The following MOXD1 variants were observed in gnomAD, a reference collection of about 807,000 sequenced individuals.
MOXD1 encodes DBH-like monooxygenase protein 1.
In MOXD1, 62 loss-of-function variants were observed where a neutral mutation model predicts 66.6. The ratio of observed to expected loss-of-function variants is 0.93; its 90% CI spans 0.76 to 1.15. The LOEUF (loss-of-function observed/expected upper bound fraction) is 1.15, where lower values mean the gene tolerates loss of function less well. Among genes scored for constraint, MOXD1 ranks in the 50% most tolerant of loss-of-function variants. MOXD1 has a pLI of 0.00. For missense variants in MOXD1, 847 were observed against 754.6 expected (o/e 1.12, Z -1.44); for synonymous variants, 303 against 281.9 (o/e 1.07, Z -0.75).
At chr6:132,358,269 C>A (rs899188120) in intron 4 of MOXD1, among the ~76,000 whole-genome samples, 2 of 152,198 alleles carry the variant, frequency 1.3e-5, no homozygotes, top group African/African-American at 2.4e-5. Context: ...AAATGGTGTT[C>A]ATAATACACG....
intron 4 of MOXD1, among the ~76,000 whole-genome samples, chr6:132,352,660 G>C (rs572926219): frequency 6.6e-6 from 1 of 152,198 alleles, no homozygotes; most frequent in South Asian, 2.1e-4. Flanking sequence ...TTTGTTCCAT[G>C]GTATAGTTTT....
intron 10 of MOXD1, among the ~76,000 whole-genome samples, chr6:132,300,481 C>A (rs1774507676): frequency 6.6e-6 from 1 of 151,990 alleles, no homozygotes; most frequent in Non-Finnish European, 1.5e-5. Context: ...CAGATAAATG[C>A]TAGGGGAAAA....
At chr6:132,344,342 A>T (rs559568863) in intron 4 of MOXD1, among the ~76,000 whole-genome samples, 4 of 152,212 alleles carry the variant, frequency 2.6e-5, no homozygotes, top group African/African-American at 9.6e-5. Context: ...TGAGATAAAA[A>T]ATCCCACACA....
At chr6:132,321,440 C>A (rs1281242879) in intron 8 of MOXD1, among the ~76,000 whole-genome samples, 1 of 152,014 alleles carries the variant, frequency 6.6e-6, no homozygotes, top group Non-Finnish European at 1.5e-5. Flanking sequence ...CCTTTATTTC[C>A]TTACAATAGA....
chr6:132,339,254 G>T (rs1317764569), intron 4 of MOXD1, among the ~76,000 whole-genome samples: 2 of 152,160 alleles, frequency 1.3e-5, no homozygotes, highest in East Asian at 3.9e-4. Context: ...ACATTCACTT[G>T]TGTATGTTTA....
chr6:132,392,062 C>A, intron 1 of MOXD1: 1 of 955,268 alleles, frequency 1.0e-6, no homozygotes, highest in Non-Finnish European at 1.5e-6. Flanking sequence ...GTCAGGGTTG[C>A]ACACTCTCTT....
chr6:132,327,341 C>G (rs777628632), intron 6 of MOXD1, among the ~76,000 whole-genome samples: 6 of 152,152 alleles, frequency 3.9e-5, no homozygotes, highest in Non-Finnish European at 8.8e-5. Flanking sequence ...ATCTGTTTTT[C>G]ACTCACTCTA....
At chr6:132,313,015 T>C (rs1391075812) in intron 10 of MOXD1, among the ~76,000 whole-genome samples, 2 of 151,914 alleles carry the variant, frequency 1.3e-5, no homozygotes, top group South Asian at 2.1e-4. Flanking sequence ...CAAGACTACA[T>C]CCTAGTGTTT....
At chr6:132,335,606 T>G (rs1775420526) in intron 4 of MOXD1, among the ~76,000 whole-genome samples, 1 of 152,064 alleles carries the variant, frequency 6.6e-6, no homozygotes, top group Non-Finnish European at 1.5e-5. Flanking sequence ...GAAGGGGAGT[T>G]TTTGGAAGGA....
chr6:132,362,424 A>C (rs548343306), intron 4 of MOXD1, among the ~76,000 whole-genome samples: 1 of 152,300 alleles, frequency 6.6e-6, no homozygotes, highest in African/African-American at 2.4e-5. Context: ...ATTGTGGTGC[A>C]GTCACATTAA....
intron 4 of MOXD1, among the ~76,000 whole-genome samples, chr6:132,339,597 T>G (rs1775507402): frequency 6.6e-6 from 1 of 152,230 alleles, no homozygotes; most frequent in Non-Finnish European, 1.5e-5. Context: ...GAGCTACATC[T>G]TTTGGCTAAG....
chr6:132,362,581 T>C (rs1056949178), intron 4 of MOXD1, among the ~76,000 whole-genome samples: 2 of 152,184 alleles, frequency 1.3e-5, no homozygotes, highest in African/African-American at 4.8e-5. Context: ...TATTTTGTCA[T>C]AAATTTAACT....
chr6:132,327,945 T>A, intron 6 of MOXD1, 68 bp downstream of exon 6: 1 of 1,274,782 alleles, frequency 7.8e-7, no homozygotes. Context: ...TTCAACTCTG[T>A]TAAAGACTTA....
intron 10 of MOXD1, among the ~76,000 whole-genome samples, chr6:132,307,938 T>G (rs1018809309): frequency 6.6e-6 from 1 of 151,994 alleles, no homozygotes; most frequent in Non-Finnish European, 1.5e-5. Context: ...ATCAACACCT[T>G]AACATCACAG....
At chr6:132,350,001 TTTG>T (rs1223699434) in intron 4 of MOXD1, among the ~76,000 whole-genome samples, 1 of 152,190 alleles carries the variant, frequency 6.6e-6, no homozygotes, top group Non-Finnish European at 1.5e-5. Flanking sequence ...TTTGTTTGAG[TTTG>T]TTGTCAATTC....
chr6:132,354,993 C>T (rs889027837), intron 4 of MOXD1, among the ~76,000 whole-genome samples: 2 of 152,112 alleles, frequency 1.3e-5, no homozygotes, highest in Admixed American at 1.3e-4. Flanking sequence ...GGCTGGTCTC[C>T]CTCCCATCAT....
intron 1 of MOXD1, among the ~76,000 whole-genome samples, chr6:132,397,636 C>CAGAA (rs71759740): frequency 0.062 from 7,573 of 122,150 alleles, 313 homozygotes; most frequent in Non-Finnish European, 0.078. Context: ...GAGAGAGAGA[C>CAGAA]AGAAAGAAAG....
At chr6:132,368,980 C>T (rs1776201099) in intron 4 of MOXD1, among the ~76,000 whole-genome samples, 1 of 152,062 alleles carries the variant, frequency 6.6e-6, no homozygotes, top group Admixed American at 6.6e-5. Context: ...TAACAATATG[C>T]TGTAATTAAA....
intron 1 of MOXD1, among the ~76,000 whole-genome samples, chr6:132,384,283 TTCCTTCC>T (rs2114681423): frequency 1.2e-5 from 1 of 81,070 alleles, no homozygotes; most frequent in Admixed American, 1.4e-4. Flanking sequence ...CCTTCCTTCC[TTCCTTCC>T]TCCTTCCTTC....
Sources: gnomAD v4.1 joint callset for allele counts (sites outside exome capture counted in the v4.1 genomes callset) on GRCh38, gnomAD v4.1.1 for gene constraint, MANE v1.5 for transcripts, NCBI Gene and HGNC (gene_info 2026-07-23, HGNC 2026-07-21) for gene names.